Variants in UBE2H observed in about 807,000 individuals in gnomAD.
The protein encoded by UBE2H is ubiquitin conjugating enzyme E2 H.
A neutral mutation model predicts 29.0 loss-of-function variants in UBE2H; 3 were observed. The observed-to-expected ratio is 0.10, with a 90% CI of 0.05 to 0.27. The LOEUF (loss-of-function observed/expected upper bound fraction) is 0.27, where lower values mean the gene tolerates loss of function less well. UBE2H is among the 10% of genes least tolerant of loss of function. The pLI is 1.00. For missense variants in UBE2H, 68 were observed against 228.2 expected (o/e 0.30, Z 4.52); for synonymous variants, 69 against 82.9 (o/e 0.83, Z 0.91).
intron 5 of UBE2H, among the ~76,000 whole-genome samples, chr7:129,841,533 T>C (rs1474877740): frequency 6.6e-6 from 1 of 152,238 alleles, no homozygotes; most frequent in African/African-American, 2.4e-5. Context: ...AATTTTCAGT[T>C]TATTTAATTC....
intron 1 of UBE2H, among the ~76,000 whole-genome samples, chr7:129,945,947 C>A (rs1425447856): frequency 6.6e-6 from 1 of 151,734 alleles, no homozygotes; most frequent in African/African-American, 2.4e-5. Flanking sequence ...GGTTTCTTCA[C>A]GTTAGTCAAG....
chr7:129,951,462 TC>T (rs969218386), intron 1 of UBE2H: 2 of 148,436 alleles, frequency 1.3e-5, no homozygotes, highest in Non-Finnish European at 3.0e-5. Context: ...AACTCTGGGC[TC>T]CCCCTACCCT....
At chr7:129,887,668 G>A (rs1806391010) in intron 1 of UBE2H, among the ~76,000 whole-genome samples, 1 of 141,668 alleles carries the variant, frequency 7.1e-6, no homozygotes, top group Non-Finnish European at 1.6e-5. Context: ...GCTGGGTGAG[G>A]TGGCTCACAC....
At chr7:129,913,203 G>C (rs1806973926) in intron 1 of UBE2H, among the ~76,000 whole-genome samples, 1 of 140,372 alleles carries the variant, frequency 7.1e-6, no homozygotes, top group Admixed American at 7.8e-5. Flanking sequence ...AGTGAGCCGA[G>C]ATCATGCCAC....
At position 129,834,149 on chromosome 7, in the gene UBE2H, G is replaced by A. The variant is rs1041372060; in HGVS notation, c.*788C>T. ...TGTGTTTTGGATGAGAGGAAGCATC[G>A]TCCCAGTCACTTTTCTCCTCCTGTG... On this transcript the variant is annotated 3_prime_UTR_variant, in exon 7 of 7. Coordinates refer to ENST00000355621, the MANE Select transcript of UBE2H (RefSeq NM_003344.4). 1.3e-5 allele frequency: 2 copies of A among 152,114 alleles called. No individual in the cohort carries two copies. The highest frequency in any genetic ancestry group is 4.8e-5 in the African/African-American group (2 of 41,414). 9.4% of individuals were successfully genotyped at this position (152,114 alleles called of 1,614,324 possible).
intron 1 of UBE2H, among the ~76,000 whole-genome samples, chr7:129,926,265 T>C (rs1807267509): frequency 6.6e-6 from 1 of 151,074 alleles, no homozygotes; most frequent in South Asian, 2.1e-4. Context: ...ATCCCAGCAC[T>C]TTGGGAGGCT....
intron 1 of UBE2H, among the ~76,000 whole-genome samples, chr7:129,884,273 C>A (rs927001056): frequency 6.6e-6 from 1 of 151,340 alleles, no homozygotes; most frequent in African/African-American, 2.4e-5. Context: ...AAAAATTAGC[C>A]GAGCATGGTG....
intron 3 of UBE2H, among the ~76,000 whole-genome samples, chr7:129,869,753 G>A (rs563157712): frequency 1.4e-4 from 21 of 152,334 alleles, no homozygotes; most frequent in African/African-American, 5.1e-4. Flanking sequence ...GGTGGTGGTA[G>A]CAAAACAGAC....
intron 1 of UBE2H, among the ~76,000 whole-genome samples, chr7:129,920,604 T>A (rs1003444637): frequency 3.3e-5 from 5 of 151,580 alleles, no homozygotes; most frequent in African/African-American, 7.3e-5. Context: ...TATGAGAAAA[T>A]AAACATGAAT....
chr7:129,894,192 G>A (rs1806555475), intron 1 of UBE2H, among the ~76,000 whole-genome samples: 3 of 152,054 alleles, frequency 2.0e-5, no homozygotes, highest in African/African-American at 7.2e-5. Context: ...AGTGGCTCAC[G>A]CCTGTAATTC....
Position 129,852,980 on chromosome 7 carries a change from C to T in UBE2H, c.298+4531G>A, listed in dbSNP as rs181803160. Among the ~76,000 whole-genome samples, 952 of 152,324 alleles carry T rather than the reference C, an allele frequency of 6.2e-3. 13 individuals carry two copies. Among genetic ancestry groups the T allele is most frequent in the African/African-American group, 0.022 (911 of 41,580 alleles). On this transcript the variant is annotated intron_variant, in intron 5 of 6. Transcript: ENST00000355621. ...ACCTAAGGTGATCCGCCTGCCTTGT[C>T]CTCCCAAAGTGCTGGGATTACAGGC... is the stretch of plus-strand genomic sequence containing the variant.
chr7:129,879,442 A>C, intron 3 of UBE2H, 126 bp downstream of exon 3: 1 of 899,576 alleles, frequency 1.1e-6, no homozygotes, highest in Non-Finnish European at 1.8e-6. Context: ...TTAATTAACC[A>C]AAGCCAAAAA....
intron 5 of UBE2H, among the ~76,000 whole-genome samples, chr7:129,843,690 G>A (rs113914599): frequency 3.3e-5 from 5 of 152,298 alleles, no homozygotes; most frequent in African/African-American, 7.2e-5. Flanking sequence ...AGCAAAGGAC[G>A]TTCAGATGTT....
Position 129,880,910 on chromosome 7 carries a change from A to G in UBE2H, c.115T>C (p.Tyr39His). The change falls in exon 2 of 7, where the codon TAT (tyrosine) becomes CAT (histidine). Residue 39 changes from tyrosine (Y) to histidine (H), a missense_variant. This residue lies in a region of UBE2H where 40 missense variants were observed against 174.1 expected (regional missense o/e 0.23). Transcript: ENST00000355621. Reference protein sequence around the residue: ...GGLNEFVVKFYGPQGTPYEGG... With the variant: ...GGLNEFVVKFHGPQGTPYEGG... The stretch of plus-strand genomic sequence containing the variant: ...ATGTACTTACTTCCTTGTGGTCCAT[A>G]AAACTTCACTACAAATTCATTAAGT... The G allele has an allele frequency of 6.2e-7, 1 of 1,613,842 alleles. No individual in the cohort carries two copies. The highest frequency in any genetic ancestry group is 8.5e-7 in the Non-Finnish European group (1 of 1,179,824).
At chr7:129,909,666 G>C (rs1432975813) in intron 1 of UBE2H, among the ~76,000 whole-genome samples, 3 of 152,054 alleles carry the variant, frequency 2.0e-5, no homozygotes, top group African/African-American at 7.2e-5. Flanking sequence ...GACCTGCCTA[G>C]ACAACATAAT....
At chr7:129,944,768 A>C (rs562311072) in intron 1 of UBE2H, among the ~76,000 whole-genome samples, 62 of 147,738 alleles carry the variant, frequency 4.2e-4, no homozygotes, top group Non-Finnish European at 7.2e-4. Flanking sequence ...ACGCACGCGC[A>C]TGCGCAAACC....
chr7:129,903,921 C>A (rs1189341444), intron 1 of UBE2H, among the ~76,000 whole-genome samples: 1 of 152,182 alleles, frequency 6.6e-6, no homozygotes, highest in Non-Finnish European at 1.5e-5. Context: ...ATAATAAGTT[C>A]TAGGTTATCT....
intron 1 of UBE2H, among the ~76,000 whole-genome samples, chr7:129,900,044 C>T (rs539109586): frequency 2.3e-4 from 35 of 151,846 alleles, no homozygotes; most frequent in Admixed American, 1.9e-3. Context: ...GCAGGAGAAT[C>T]GCTTGAACAT....
chr7:129,896,773 A>G (rs12536424), intron 1 of UBE2H, among the ~76,000 whole-genome samples: 9,521 of 152,308 alleles, frequency 0.063, 369 homozygotes, highest in Non-Finnish European at 0.092. Flanking sequence ...ATGCCACTCA[A>G]TGAAGATAGC....
Sources: gnomAD v4.1 joint callset for allele counts (sites outside exome capture counted in the v4.1 genomes callset) on GRCh38, gnomAD v4.1.1 for gene constraint, gnomAD v4.1.1 regional missense constraint, MANE v1.5 for transcripts, NCBI Gene and HGNC (gene_info 2026-07-23, HGNC 2026-07-21) for gene names.